The following SEMA6D variants were observed in gnomAD, a reference collection of about 807,000 sequenced individuals.
SEMA6D encodes semaphorin-6D.
SEMA6D carries 35 observed loss-of-function variants against 106.6 expected under a neutral mutation model. The observed-to-expected ratio is 0.33, with a 90% CI of 0.25 to 0.44. The LOEUF is 0.44. SEMA6D is among the 20% of genes least tolerant of loss of function. The pLI is 1.00. For synonymous variants in SEMA6D, 499 were observed against 487.7 expected, an observed-to-expected ratio of 1.02 and a Z score of -0.31; for missense variants, 1,185 against 1,345.9, an observed-to-expected ratio of 0.88 and a Z score of 1.87.
At chr15:47,726,280 G>C (rs1362841574) in intron 1 of SEMA6D, among the ~76,000 whole-genome samples, 2 of 152,252 alleles carry the variant, frequency 1.3e-5, no homozygotes, top group East Asian at 3.8e-4. Context: ...CTCTACCTCT[G>C]GGAGTATAGG....
intron 3 of SEMA6D, among the ~76,000 whole-genome samples, chr15:47,531,691 G>C (rs1196795980): frequency 6.6e-6 from 1 of 152,154 alleles, no homozygotes; most frequent in Non-Finnish European, 1.5e-5. Flanking sequence ...TCCCCTCCAA[G>C]GGGTCAATGT....
chr15:47,723,130 G>A (rs2079519282), intron 1 of SEMA6D, among the ~76,000 whole-genome samples: 1 of 152,106 alleles, frequency 6.6e-6, no homozygotes, highest in African/African-American at 2.4e-5. Flanking sequence ...GTCATGTTTT[G>A]GGGGAAAATT....
At chr15:47,427,745 T>C (rs918740989) in intron 2 of SEMA6D, among the ~76,000 whole-genome samples, 3 of 152,152 alleles carry the variant, frequency 2.0e-5, no homozygotes, top group Non-Finnish European at 4.4e-5. Context: ...AAGCCTTTTG[T>C]AATCCATGAA....
In SEMA6D at chr15:47,745,047, C is replaced by G. The variant is rs563768746; in HGVS notation, c.-54-14698C>G. Among the ~76,000 whole-genome samples, 11 of 152,218 alleles carry G rather than the reference C, an allele frequency of 7.2e-5. No homozygotes were observed. The East Asian group carries it at 2.1e-3, about 29-fold the overall frequency. Reference sequence around the variant, plus strand: ...CAGATTTTTTACCTCCCTATTATCTCCAGGTGTGTTTAATGTTTGGGATAA... The same window carrying G: ...CAGATTTTTTACCTCCCTATTATCTGCAGGTGTGTTTAATGTTTGGGATAA... On this transcript the variant is annotated intron_variant, in intron 1 of 18. Transcript: ENST00000536845.
At chr15:47,564,293 T>C (rs957993806) in intron 3 of SEMA6D, among the ~76,000 whole-genome samples, 3 of 152,156 alleles carry the variant, frequency 2.0e-5, no homozygotes, top group African/African-American at 7.2e-5. Flanking sequence ...AGTGGTGGTA[T>C]TGAAGGTTGT....
chr15:47,410,606 C>T (rs899663977), intron 1 of SEMA6D, among the ~76,000 whole-genome samples: 1 of 152,164 alleles, frequency 6.6e-6, no homozygotes, highest in African/African-American at 2.4e-5. Context: ...GAGGCCTCTA[C>T]TAATTAGTTA....
intron 1 of SEMA6D, among the ~76,000 whole-genome samples, chr15:47,298,817 A>G (rs1403238881): frequency 6.6e-6 from 1 of 152,020 alleles, no homozygotes; most frequent in Non-Finnish European, 1.5e-5. Context: ...TTTTCTCCTT[A>G]CTTTTTGCCA....
chr15:47,567,928 A>G (rs1286076703), intron 3 of SEMA6D, among the ~76,000 whole-genome samples: 5 of 152,252 alleles, frequency 3.3e-5, no homozygotes, highest in Non-Finnish European at 1.5e-5. Context: ...TGATGCCGAG[A>G]GCGAGAAACC....
At chr15:47,489,270 C>T (rs898866662) in intron 3 of SEMA6D, among the ~76,000 whole-genome samples, 1 of 152,140 alleles carries the variant, frequency 6.6e-6, no homozygotes, top group African/African-American at 2.4e-5. Flanking sequence ...GGAGGGGGCA[C>T]CGCCCTGCCA....
At chr15:47,266,565 C>T (rs2034328213) in intron 1 of SEMA6D, among the ~76,000 whole-genome samples, 1 of 152,086 alleles carries the variant, frequency 6.6e-6, no homozygotes, top group Admixed American at 6.6e-5. Context: ...CCCCAGTATT[C>T]TCAGCAACAC....
At chr15:47,768,826 C>T (rs551245174) in intron 18 of SEMA6D, 78 bp downstream of exon 18, 33 of 1,397,530 alleles carry the variant, frequency 2.4e-5, no homozygotes, top group Non-Finnish European at 3.2e-5. Flanking sequence ...ATGTGGTTCT[C>T]CAGAGGTGGG....
At chr15:47,227,442 C>CTTTT in intron 1 of SEMA6D, among the ~76,000 whole-genome samples, 1 of 123,490 alleles carries the variant, frequency 8.1e-6, no homozygotes, top group Non-Finnish European at 1.7e-5. Context: ...TCTTTCTTTT[C>CTTTT]TTTCTTTTCT....
chr15:47,647,438 A>G (rs74014036), intron 4 of SEMA6D, among the ~76,000 whole-genome samples: 1,810 of 152,310 alleles, frequency 0.012, 37 homozygotes, highest in African/African-American at 0.041. Context: ...GAAACGCATG[A>G]TAAGTTATAG....
At chr15:47,348,727 C>CAGAGAG (rs55719976) in intron 1 of SEMA6D, among the ~76,000 whole-genome samples, 1,116 of 56,990 alleles carry the variant, frequency 0.02, 71 homozygotes, top group East Asian at 0.079. Flanking sequence ...ACCACACACA[C>CAGAGAG]AGAGAGAGAG....
At chr15:47,316,102 CT>C in intron 1 of SEMA6D, among the ~76,000 whole-genome samples, 1 of 81,458 alleles carries the variant, frequency 1.2e-5, no homozygotes, top group African/African-American at 6.4e-5. Flanking sequence ...CATTTATTTC[CT>C]TTTTTTTGAG....
At chr15:47,595,622 T>C (rs773252526) in intron 3 of SEMA6D, among the ~76,000 whole-genome samples, 25 of 152,174 alleles carry the variant, frequency 1.6e-4, no homozygotes, top group Non-Finnish European at 7.4e-5. Context: ...AAGTACTCCT[T>C]CTTCTTTATT....
At chr15:47,333,760 TA>T (rs961525813) in intron 1 of SEMA6D, among the ~76,000 whole-genome samples, 11 of 152,162 alleles carry the variant, frequency 7.2e-5, no homozygotes, top group Non-Finnish European at 1.5e-4. Context: ...AATAAATAAG[TA>T]AACATATCCA....
At chr15:47,235,670 T>C (rs2032493877) in intron 1 of SEMA6D, among the ~76,000 whole-genome samples, 1 of 152,156 alleles carries the variant, frequency 6.6e-6, no homozygotes. Context: ...TCTGTTCCAT[T>C]GATCTATGTA....
intron 3 of SEMA6D, among the ~76,000 whole-genome samples, chr15:47,480,881 C>G (rs534898313): frequency 1.3e-5 from 2 of 152,256 alleles, no homozygotes; most frequent in East Asian, 3.9e-4. Context: ...ATCTGAAAAC[C>G]TATTGTGGAT....
Sources: allele counts gnomAD v4.1 joint callset (sites outside exome capture counted in the v4.1 genomes callset), GRCh38; gene constraint gnomAD v4.1.1; transcripts MANE v1.5; gene names NCBI Gene and HGNC (gene_info 2026-07-23, HGNC 2026-07-21).